Variants in RNF180 observed in about 807,000 individuals in gnomAD.
RNF180 encodes ring finger protein 180, also known as E3 ubiquitin-protein ligase RNF180.
Under a neutral mutation model 59.2 loss-of-function variants are expected in RNF180, and 38 were observed. That is an observed-to-expected ratio of 0.64 (90% CI 0.50 to 0.84). The LOEUF (loss-of-function observed/expected upper bound fraction) is 0.84, where lower values mean the gene tolerates loss of function less well. RNF180 is among the 40% of genes least tolerant of loss of function. The pLI, the probability that RNF180 is intolerant of heterozygous loss-of-function variation, is 0.00. For missense variants in RNF180, 705 were observed against 700.9 expected (o/e 1.01, Z -0.07); for synonymous variants, 262 against 240.3 (o/e 1.09, Z -0.84).
Position 64,213,819 on chromosome 5 carries a change from C to A in RNF180, c.493C>A (p.Leu165Ile). ...TGGCTCTGAAAACAGAAATCACAGG[C>A]TTTTAAACATGGCCCGAAATAATAA... is the stretch of plus-strand genomic sequence containing the variant. The part of the protein sequence containing the change: ...GGGSENRNHR[L>I]LNMARNNNDP... Residue 165 changes from leucine to isoleucine, a missense_variant, in exon 4 of 8, where the codon CTT becomes ATT. Physicochemically the swap from Leu to Ile is conservative, Grantham distance 5. Coordinates refer to ENST00000389100, the MANE Select transcript of RNF180 (RefSeq NM_001113561.2). 6.2e-7 allele frequency: 1 copy of A among 1,614,094 alleles called. No individual in the cohort carries two copies. The highest frequency in any genetic ancestry group is 8.5e-7 in the Non-Finnish European group (1 of 1,179,994).
intron 1 of RNF180, among the ~76,000 whole-genome samples, chr5:64,189,314 GA>G: frequency 6.6e-6 from 1 of 152,214 alleles, no homozygotes; most frequent in Non-Finnish European, 1.5e-5. Context: ...ATGGAGGCTG[GA>G]AGAGTTTTGA....
chr5:64,365,286 GT>G (rs773009691), intron 7 of RNF180, among the ~76,000 whole-genome samples: 2 of 151,804 alleles, frequency 1.3e-5, no homozygotes, highest in South Asian at 4.1e-4. Context: ...TCAGAAGCAG[GT>G]TGTTTAATTT....
intron 6 of RNF180, among the ~76,000 whole-genome samples, chr5:64,325,976 G>A (rs1744615926): frequency 6.6e-6 from 1 of 152,096 alleles, no homozygotes. Flanking sequence ...TATTAATGAA[G>A]AGATAATAAT....
At position 64,330,405 on chromosome 5, in the gene RNF180, AG is replaced by A. The variant is rs1223239922; in HGVS notation, c.1579+1del. The A allele has an allele frequency of 6.5e-7, 1 of 1,532,358 alleles. No homozygotes were observed. Among genetic ancestry groups the A allele is most frequent in the East Asian group, 2.5e-5 (1 of 40,774 alleles). 94.9% of individuals were successfully genotyped at this position (1,532,358 alleles called of 1,614,324 possible). Reference sequence around the variant, plus strand: ...GCAGAAAAGCATTTCATCTTTTTGGAGGTAAGGAAATCTAACGCCAAAAAAA... The same window carrying A: ...GCAGAAAAGCATTTCATCTTTTTGGAGTAAGGAAATCTAACGCCAAAAAAA... ...SCRKAFHLFG[G>X]FRRHAAPVTR... On this transcript the variant is annotated frameshift_variant and splice_region_variant, in exon 7 of 8. Coordinates refer to ENST00000389100, the MANE Select transcript of RNF180 (RefSeq NM_001113561.2). LOFTEE classifies it high-confidence loss of function.
intron 7 of RNF180, among the ~76,000 whole-genome samples, chr5:64,341,073 T>G (rs1745337137): frequency 6.6e-6 from 1 of 152,204 alleles, no homozygotes; most frequent in African/African-American, 2.4e-5. Flanking sequence ...GTTGGTGGGA[T>G]ATGATGCCTT....
intron 5 of RNF180, among the ~76,000 whole-genome samples, chr5:64,283,802 A>G (rs1322433735): frequency 2.6e-5 from 4 of 152,190 alleles, no homozygotes; most frequent in African/African-American, 9.7e-5. Context: ...TATAAATTAC[A>G]CAGTCTTAGA....
At chr5:64,198,732 G>A (rs1354980172) in intron 1 of RNF180, among the ~76,000 whole-genome samples, 2 of 152,154 alleles carry the variant, frequency 1.3e-5, no homozygotes, top group African/African-American at 4.8e-5. Context: ...AAGGGTAAGA[G>A]AGGAAAGAAG....
At chr5:64,205,103 T>C (rs1378482813) in intron 2 of RNF180, among the ~76,000 whole-genome samples, 1 of 152,170 alleles carries the variant, frequency 6.6e-6, no homozygotes, top group Non-Finnish European at 1.5e-5. Context: ...AGAATTGCTG[T>C]GATGTTTGCT....
intron 5 of RNF180, among the ~76,000 whole-genome samples, chr5:64,306,096 A>ATT (rs1213502811): frequency 6.6e-6 from 1 of 151,682 alleles, no homozygotes; most frequent in Non-Finnish European, 1.5e-5. Context: ...GCTGTATTGT[A>ATT]TTTTTATACT....
At chr5:64,316,114 C>G (rs761179059) in intron 5 of RNF180, among the ~76,000 whole-genome samples, 1 of 152,104 alleles carries the variant, frequency 6.6e-6, no homozygotes, top group African/African-American at 2.4e-5. Context: ...GAAACAGGGT[C>G]TTGCTATGTT....
intron 5 of RNF180, among the ~76,000 whole-genome samples, chr5:64,273,417 A>T (rs1741536796): frequency 6.6e-6 from 1 of 152,016 alleles, no homozygotes; most frequent in Admixed American, 6.6e-5. Context: ...GCTTTCACTT[A>T]AAACAGAAGA....
chr5:64,258,114 A>C (rs906837849), intron 5 of RNF180, among the ~76,000 whole-genome samples: 2 of 152,186 alleles, frequency 1.3e-5, no homozygotes, highest in African/African-American at 4.8e-5. Context: ...GGAGTTGACA[A>C]GTGAGGCTGA....
At chr5:64,299,072 T>C (rs950123247) in intron 5 of RNF180, among the ~76,000 whole-genome samples, 3 of 151,918 alleles carry the variant, frequency 2.0e-5, no homozygotes, top group Non-Finnish European at 4.4e-5. Context: ...AATTAGTGTC[T>C]TTTAATGAGG....
chr5:64,334,189 C>T (rs1309574864), intron 7 of RNF180, among the ~76,000 whole-genome samples: 2 of 152,184 alleles, frequency 1.3e-5, no homozygotes, highest in Non-Finnish European at 2.9e-5. Context: ...GCAATGGGCA[C>T]TGAGTCAGAG....
Position 64,246,331 on chromosome 5 carries a change from T to C in RNF180, c.1227+28935T>C, listed in dbSNP as rs183061835. Among the ~76,000 whole-genome samples the C allele has an allele frequency of 1.9e-3, 290 of 152,104 alleles. 1 individual carries two copies. Among genetic ancestry groups the C allele is most frequent in the Non-Finnish European group, 3.0e-3 (207 of 67,992 alleles). ...AGAAATCAAGGAATCCAGGAGTTGGTTTTGTGAAAAGATTAACAAAATAGA... is the reference window on the plus strand; with the variant it reads ...AGAAATCAAGGAATCCAGGAGTTGGCTTTGTGAAAAGATTAACAAAATAGA... On this transcript the variant is annotated intron_variant, in intron 5 of 7. Transcript: ENST00000389100.
intron 5 of RNF180, among the ~76,000 whole-genome samples, chr5:64,283,124 G>GT (rs1285660224): frequency 6.6e-6 from 1 of 152,130 alleles, no homozygotes; most frequent in Non-Finnish European, 1.5e-5. Context: ...TTATTGTGTG[G>GT]TTATCTAAGG....
rs1158404040 is a variant in RNF180 at position 64,371,360 on chromosome 5, A to G, written c.*1546A>G. On this transcript the variant is annotated 3_prime_UTR_variant, in exon 8 of 8. Coordinates refer to ENST00000389100, the MANE Select transcript of RNF180 (RefSeq NM_001113561.2). ...ATATATAGCAAGATTGAAAACACACATATGAGGAGTTGCATTATTTTAAGA... is the reference window on the plus strand; with the variant it reads ...ATATATAGCAAGATTGAAAACACACGTATGAGGAGTTGCATTATTTTAAGA... 6.6e-6 allele frequency: 1 copy of G among 151,644 alleles called. No individual in the cohort carries two copies. Among genetic ancestry groups the G allele is most frequent in the African/African-American group, 2.4e-5 (1 of 41,404 alleles). 9.4% of individuals were successfully genotyped at this position (151,644 alleles called of 1,614,324 possible). A position where few individuals can be genotyped will look rare whatever the true frequency, so the allele number is the denominator to read the frequency against.
chr5:64,327,745 C>T (rs2112529591), intron 6 of RNF180, among the ~76,000 whole-genome samples: 1 of 152,232 alleles, frequency 6.6e-6, no homozygotes, highest in South Asian at 2.1e-4. Flanking sequence ...GTGTAATCTA[C>T]TGCTGTTGGG....
chr5:64,214,529 C>T lies in RNF180; in HGVS notation c.1191+12C>T. ...GGCTACAGAAGCAGGTAATATTTTTCAAAAGAGTTTACTAAAAATCTGTAT... is the reference window on the plus strand; with the variant it reads ...GGCTACAGAAGCAGGTAATATTTTTTAAAAGAGTTTACTAAAAATCTGTAT... On this transcript the variant is annotated intron_variant, in intron 4 of 7. Transcript: ENST00000389100. 1 of 1,601,264 alleles carries T rather than the reference C, an allele frequency of 6.2e-7. No homozygotes were observed.
Sources: gnomAD v4.1 joint callset for allele counts (sites outside exome capture counted in the v4.1 genomes callset) on GRCh38, gnomAD v4.1.1 for gene constraint, MANE v1.5 for transcripts, NCBI Gene and HGNC (gene_info 2026-07-23, HGNC 2026-07-21) for gene names.